ROBO1: variants seen among roughly 807,000 people sequenced by gnomAD.
ROBO1 encodes the protein roundabout homolog 1.
In ROBO1, 149 loss-of-function variants were observed where a neutral mutation model predicts 195.9. The ratio of observed to expected loss-of-function variants is 0.76; its 90% CI spans 0.67 to 0.87. The LOEUF is 0.87. Among genes scored for constraint, ROBO1 ranks in the 40% least tolerant of loss-of-function variants. The pLI is 0.00. For synonymous variants in ROBO1, 816 were observed against 733.2 expected (o/e 1.11, Z -1.82); for missense variants, 1,933 against 2,068.3 (o/e 0.93, Z 1.27).
intron 2 of ROBO1, among the ~76,000 whole-genome samples, chr3:79,264,989 C>G (rs2083010795): frequency 6.6e-6 from 1 of 151,856 alleles, no homozygotes; most frequent in African/African-American, 2.4e-5. Flanking sequence ...TCAGCAGCGG[C>G]TGGAGGAGGA....
intron 2 of ROBO1, among the ~76,000 whole-genome samples, chr3:79,521,945 T>C (rs1042218227): frequency 6.6e-6 from 1 of 152,150 alleles, no homozygotes; most frequent in African/African-American, 2.4e-5. Flanking sequence ...TTGGTTTACA[T>C]AGATAGGTAA....
At chr3:79,221,816 T>A (rs1317296368) in intron 2 of ROBO1, among the ~76,000 whole-genome samples, 2 of 152,234 alleles carry the variant, frequency 1.3e-5, no homozygotes, top group South Asian at 2.1e-4. Flanking sequence ...TCATAATTAT[T>A]CTAACTATGC....
Position 78,618,020 on chromosome 3 carries a change from A to C in ROBO1, c.3897T>G (p.Pro1299=), listed in dbSNP as rs201008751. The C allele has an allele frequency of 6.2e-7, 1 of 1,612,730 alleles. No individual in the cohort carries two copies. The highest frequency in any genetic ancestry group is 8.5e-7 in the Non-Finnish European group (1 of 1,179,244). ...PDRRRQPVSP[P]PPPRPISPPH... ...GAGGGGAGATCGGCCGTGGTGGTGG[A>C]GGAGGACTCACAGGCTGCCGTCTGT... The change falls in exon 27 of 31, where the codon CCT becomes CCG. Residue 1299 remains proline (P), a synonymous_variant. Coordinates refer to ENST00000464233, the MANE Select transcript of ROBO1 (RefSeq NM_002941.4).
At chr3:79,072,684 A>T (rs1332848140) in intron 3 of ROBO1, among the ~76,000 whole-genome samples, 1 of 151,958 alleles carries the variant, frequency 6.6e-6, no homozygotes, top group East Asian at 1.9e-4. Context: ...CACAGGATAA[A>T]ATTTTTATGT....
intron 2 of ROBO1, among the ~76,000 whole-genome samples, chr3:79,267,765 T>C (rs1398311743): frequency 6.6e-6 from 1 of 151,528 alleles, no homozygotes; most frequent in East Asian, 1.9e-4. Flanking sequence ...TTAAGTCTTG[T>C]TCCTGATTTA....
intron 2 of ROBO1, among the ~76,000 whole-genome samples, chr3:79,476,907 A>T (rs1383617022): frequency 6.6e-6 from 1 of 152,104 alleles, no homozygotes; most frequent in Non-Finnish European, 1.5e-5. Flanking sequence ...CCAATAACCT[A>T]TGTAAATTTA....
chr3:79,180,191 C>T (rs2081317468), intron 2 of ROBO1, among the ~76,000 whole-genome samples: 1 of 152,182 alleles, frequency 6.6e-6, no homozygotes, highest in Non-Finnish European at 1.5e-5. Flanking sequence ...GCACAGCATA[C>T]AAGGTCGTTG....
chr3:79,300,241 C>T (rs530228215), intron 2 of ROBO1, among the ~76,000 whole-genome samples: 9 of 152,304 alleles, frequency 5.9e-5, no homozygotes, highest in Non-Finnish European at 2.9e-5. Context: ...GCGGGAACTG[C>T]GGCTGCGCTC....
intron 1 of ROBO1, among the ~76,000 whole-genome samples, chr3:79,745,506 A>G (rs1261111858): frequency 6.6e-6 from 1 of 152,180 alleles, no homozygotes; most frequent in Non-Finnish European, 1.5e-5. Flanking sequence ...ATCAATACAA[A>G]GGCGATATGT....
chr3:79,662,478 G>T (rs1412689030), intron 1 of ROBO1, among the ~76,000 whole-genome samples: 1 of 151,980 alleles, frequency 6.6e-6, no homozygotes, highest in Non-Finnish European at 1.5e-5. Flanking sequence ...AATCTCAAAA[G>T]GACAGGGAAG....
intron 2 of ROBO1, among the ~76,000 whole-genome samples, chr3:79,226,974 C>T (rs896491920): frequency 3.9e-5 from 6 of 152,192 alleles, no homozygotes; most frequent in African/African-American, 1.4e-4. Context: ...GAATCATGAT[C>T]TGTTTCTCCC....
intron 2 of ROBO1, among the ~76,000 whole-genome samples, chr3:79,313,878 A>G (rs1454918808): frequency 6.6e-6 from 1 of 152,220 alleles, no homozygotes; most frequent in Admixed American, 6.5e-5. Context: ...TCACTATTTA[A>G]AAGTACTTCA....
At chr3:78,921,849 C>T (rs1011871095) in intron 4 of ROBO1, among the ~76,000 whole-genome samples, 3 of 151,038 alleles carry the variant, frequency 2.0e-5, no homozygotes, top group African/African-American at 7.3e-5. Flanking sequence ...TGCAGTGGCA[C>T]GATCTCAGTT....
intron 2 of ROBO1, among the ~76,000 whole-genome samples, chr3:79,482,957 A>T (rs572200055): frequency 6.6e-6 from 1 of 152,294 alleles, no homozygotes; most frequent in African/African-American, 2.4e-5. Context: ...GGAGATCTGC[A>T]ACATGGCCGA....
intron 4 of ROBO1, among the ~76,000 whole-genome samples, chr3:78,881,171 TG>T (rs1469983070): frequency 6.6e-6 from 1 of 152,188 alleles, no homozygotes; most frequent in Non-Finnish European, 1.5e-5. Context: ...GAGTTTTATT[TG>T]TTTCTCTAAT....
chr3:79,045,535 G>T (rs2078574925), intron 3 of ROBO1, among the ~76,000 whole-genome samples: 1 of 151,704 alleles, frequency 6.6e-6, no homozygotes, highest in Admixed American at 6.6e-5. Flanking sequence ...GATATGAAAT[G>T]CAATATAAAT....
At chr3:78,823,995 A>T (rs1399841770) in intron 4 of ROBO1, among the ~76,000 whole-genome samples, 3 of 152,122 alleles carry the variant, frequency 2.0e-5, no homozygotes, top group Non-Finnish European at 2.9e-5. Flanking sequence ...CTATACACAT[A>T]TTATTCACTG....
In ROBO1 at chr3:78,898,440, T is replaced by C. The variant is rs1269733386; in HGVS notation, c.499+40161A>G. Among the ~76,000 whole-genome samples the C allele has an allele frequency of 3.2e-4, 44 of 139,230 alleles. 1 individual carries two copies. The highest frequency in any genetic ancestry group is 1.5e-5 in the Non-Finnish European group (1 of 66,566). The allele number at this position is 139,230 out of a possible 152,430, so 91.3% of individuals were successfully genotyped here. ...TCTTGCTCTGTCGCCCAGGCTGGAG[T>C]GCAGTGGCGTGATCTCGGCTCACTG... On this transcript the variant is annotated intron_variant, in intron 4 of 30. Coordinates refer to ENST00000464233, the MANE Select transcript of ROBO1 (RefSeq NM_002941.4).
intron 2 of ROBO1, among the ~76,000 whole-genome samples, chr3:79,388,506 C>G (rs941585678): frequency 9.2e-5 from 14 of 151,370 alleles, no homozygotes; most frequent in African/African-American, 3.4e-4. Context: ...TATCATCTCT[C>G]AAGTAGGAAA....
Sources: allele counts gnomAD v4.1 joint callset (sites outside exome capture counted in the v4.1 genomes callset), GRCh38; gene constraint gnomAD v4.1.1; transcripts MANE v1.5; gene names NCBI Gene and HGNC (gene_info 2026-07-23, HGNC 2026-07-21).